The following CACUL1 variants were observed in gnomAD, a reference collection of about 807,000 sequenced individuals.
The protein encoded by CACUL1 is CDK2 associated cullin domain 1.
Under a neutral mutation model 45.2 loss-of-function variants are expected in CACUL1, and 13 were observed. The ratio of observed to expected loss-of-function variants is 0.29; its 90% CI spans 0.19 to 0.46. CACUL1 has a LOEUF of 0.46. CACUL1 is among the 20% of genes least tolerant of loss of function. The pLI is 1.00. For synonymous variants in CACUL1, 197 were observed against 174.2 expected, an observed-to-expected ratio of 1.13 and a Z score of -1.03; for missense variants, 421 against 471.4, an observed-to-expected ratio of 0.89 and a Z score of 0.99.
Position 118,754,805 on chromosome 10 carries a change from G to T in CACUL1, c.-43C>A. On this transcript the variant is annotated 5_prime_UTR_variant, in exon 1 of 9. Coordinates refer to ENST00000369151, the MANE Select transcript of CACUL1 (RefSeq NM_153810.5). ...CCCGCCCGCCTCACAGGCACCTGCC[G>T]CCTGTCTCAACCCCGGGCCAGCGGG... 1 of 1,517,604 alleles carries T rather than the reference G, an allele frequency of 6.6e-7. No homozygotes were observed. The highest frequency in any genetic ancestry group is 2.2e-5 in the Admixed American group (1 of 44,608). 94.0% of individuals were successfully genotyped at this position (1,517,604 alleles called of 1,614,324 possible).
intron 3 of CACUL1, among the ~76,000 whole-genome samples, chr10:118,728,028 AAAGATG>A (rs1389703758): frequency 1.3e-5 from 2 of 152,252 alleles, no homozygotes; most frequent in Non-Finnish European, 2.9e-5. Context: ...TTAGCGGCAA[AAAGATG>A]AAGAAAGAAA....
chr10:118,688,683 T>C (rs1166027981), intron 7 of CACUL1, among the ~76,000 whole-genome samples: 3 of 152,210 alleles, frequency 2.0e-5, no homozygotes, highest in African/African-American at 7.2e-5. Flanking sequence ...CTAGTAGTTA[T>C]CTTCTGTAGT....
chr10:118,695,377 G>A, intron 5 of CACUL1, 147 bp from the exon 6 acceptor site: 1 of 552,492 alleles, frequency 1.8e-6, no homozygotes, highest in South Asian at 2.1e-5. Context: ...TATATACTAA[G>A]GATTTTATTT....
At chr10:118,741,514 G>A (rs893026813) in intron 1 of CACUL1, among the ~76,000 whole-genome samples, 3 of 151,786 alleles carry the variant, frequency 2.0e-5, no homozygotes, top group South Asian at 2.1e-4. Context: ...TACCTTCCAC[G>A]TCTGGGTCAA....
chr10:118,724,399 G>T (rs1001854261), intron 3 of CACUL1, among the ~76,000 whole-genome samples: 3 of 152,044 alleles, frequency 2.0e-5, no homozygotes, highest in Non-Finnish European at 2.9e-5. Flanking sequence ...CTCTCAGCAG[G>T]GGGGGTGGTC....
intron 3 of CACUL1, among the ~76,000 whole-genome samples, chr10:118,714,684 C>T (rs1416386988): frequency 6.6e-6 from 1 of 152,158 alleles, no homozygotes; most frequent in Non-Finnish European, 1.5e-5. Context: ...CACATAAGCA[C>T]CTTTTCTCAA....
chr10:118,693,532 AACATGTACCCACAATAC>A, intron 6 of CACUL1: 1 of 308,078 alleles, frequency 3.2e-6, no homozygotes, highest in Non-Finnish European at 6.5e-6. Flanking sequence ...CATTTAGATA[AACATGTACCCACAATAC>A]TTTTCTACCT....
At chr10:118,706,601 T>C (rs1336525700) in intron 4 of CACUL1, among the ~76,000 whole-genome samples, 2 of 152,242 alleles carry the variant, frequency 1.3e-5, no homozygotes, top group Non-Finnish European at 2.9e-5. Context: ...TAAAGGAGTT[T>C]TGGCACTTAA....
chr10:118,754,396 A>C lies in CACUL1; in HGVS notation c.367T>G (p.Leu123Val). The C allele has an allele frequency of 6.5e-7, 1 of 1,549,406 alleles. No homozygotes were observed. The highest frequency in any genetic ancestry group is 8.7e-7 in the Non-Finnish European group (1 of 1,147,822). Residue 123 changes from leucine (L) to valine (V), a missense_variant and splice_region_variant, in exon 1 of 9, where the codon TTA becomes GTA. Coordinates refer to ENST00000369151, the MANE Select transcript of CACUL1 (RefSeq NM_153810.5). ...GGCTGCAGGGAAAGGCTGGACTCACAGAACTTGGAGGTGGAGGTGTTGATG... is the reference window on the plus strand; with the variant it reads ...GGCTGCAGGGAAAGGCTGGACTCACCGAACTTGGAGGTGGAGGTGTTGATG... ...ININTSTSKF[L>V]MNVITIEDYK...
At chr10:118,739,003 G>A (rs888558651) in intron 1 of CACUL1, among the ~76,000 whole-genome samples, 5 of 150,866 alleles carry the variant, frequency 3.3e-5, no homozygotes, top group African/African-American at 9.7e-5. Context: ...AGAGTCTCCT[G>A]GCTAACACGG....
chr10:118,681,906 C>T lies in CACUL1; in HGVS notation c.*4222G>A, dbSNP rs1361117578. The T allele has an allele frequency of 6.6e-6, 1 of 152,160 alleles. No homozygotes were observed. The highest frequency in any genetic ancestry group is 6.5e-5 in the Admixed American group (1 of 15,274). The allele number at this position is 152,160 out of a possible 1,614,324, so 9.4% of individuals were successfully genotyped here. A position where few individuals can be genotyped will look rare whatever the true frequency, so the allele number is the denominator to read the frequency against. On this transcript the variant is annotated 3_prime_UTR_variant, in exon 9 of 9. Transcript: ENST00000369151. ...AACAACAGGGTTCCTTTCTCATATT[C>T]TTGTGGCCAGAAACTGGGGTGAACT... is the stretch of plus-strand genomic sequence containing the variant.
rs1261940296 is a variant in CACUL1, at chr10:118,683,914, G to A, written c.*2214C>T. ...AGATGATTAACAGCCAGGACATGTAGACTGGGAGACTATGTACAACCTTTC... is the reference window on the plus strand; with the variant it reads ...AGATGATTAACAGCCAGGACATGTAAACTGGGAGACTATGTACAACCTTTC... On this transcript the variant is annotated 3_prime_UTR_variant, in exon 9 of 9. Transcript: ENST00000369151. 1 of 152,274 alleles carries A rather than the reference G, an allele frequency of 6.6e-6. No individual in the cohort carries two copies. Among genetic ancestry groups the A allele is most frequent in the African/African-American group, 2.4e-5 (1 of 41,438 alleles). The allele number at this position is 152,274 out of a possible 1,614,324, so 9.4% of individuals were successfully genotyped here. A position where few individuals can be genotyped will look rare whatever the true frequency, so the allele number is the denominator to read the frequency against.
At chr10:118,718,461 C>A (rs960573612) in intron 3 of CACUL1, among the ~76,000 whole-genome samples, 2 of 152,244 alleles carry the variant, frequency 1.3e-5, no homozygotes, top group Non-Finnish European at 2.9e-5. Flanking sequence ...TGAAACACAG[C>A]AATGCCCATT....
At chr10:118,741,974 C>T (rs1301715980) in intron 1 of CACUL1, among the ~76,000 whole-genome samples, 1 of 152,210 alleles carries the variant, frequency 6.6e-6, no homozygotes, top group Non-Finnish European at 1.5e-5. Context: ...TCCCCACCCC[C>T]TATCCTCCTG....
intron 4 of CACUL1, among the ~76,000 whole-genome samples, chr10:118,706,133 T>C (rs1845429988): frequency 6.6e-6 from 1 of 152,244 alleles, no homozygotes; most frequent in South Asian, 2.1e-4. Flanking sequence ...CTTAACTATT[T>C]TTGTTTTAAT....
intron 1 of CACUL1, among the ~76,000 whole-genome samples, chr10:118,750,089 G>A (rs1845882121): frequency 6.6e-6 from 1 of 152,222 alleles, no homozygotes; most frequent in African/African-American, 2.4e-5. Context: ...CACTTTGGGA[G>A]GCCAAGGCGG....
At chr10:118,748,735 T>C (rs1845868071) in intron 1 of CACUL1, among the ~76,000 whole-genome samples, 1 of 152,160 alleles carries the variant, frequency 6.6e-6, no homozygotes, top group Admixed American at 6.5e-5. Context: ...AAAACACTTC[T>C]GGCCCCAAGC....
intron 3 of CACUL1, among the ~76,000 whole-genome samples, chr10:118,725,525 A>T (rs1589613725): frequency 6.6e-6 from 1 of 152,188 alleles, no homozygotes; most frequent in African/African-American, 2.4e-5. Flanking sequence ...GGTTTAAAAA[A>T]ATTAAGGCAA....
At chr10:118,734,191 G>C (rs1224857744) in intron 1 of CACUL1, among the ~76,000 whole-genome samples, 1 of 152,160 alleles carries the variant, frequency 6.6e-6, no homozygotes, top group Non-Finnish European at 1.5e-5. Flanking sequence ...GATTTCTACA[G>C]TTCAGTATGA....
Sources: allele counts gnomAD v4.1 joint callset (sites outside exome capture counted in the v4.1 genomes callset), GRCh38; gene constraint gnomAD v4.1.1; transcripts MANE v1.5; gene names NCBI Gene and HGNC (gene_info 2026-07-23, HGNC 2026-07-21).